CDH13: variants seen among roughly 807,000 people sequenced by gnomAD.
CDH13 encodes the protein cadherin 13.
In CDH13, 24 loss-of-function variants were observed where a neutral mutation model predicts 63.8. The observed-to-expected ratio is 0.38, with a 90% CI of 0.27 to 0.53. CDH13 has a LOEUF of 0.53. CDH13 is among the 20% of genes least tolerant of loss of function. The probability of loss-of-function intolerance (pLI) is 0.85; values close to 1 mark genes in which losing one functional copy is unlikely to be tolerated. For missense variants in CDH13, 1,049 were observed against 903.1 expected, an observed-to-expected ratio of 1.16 and a Z score of -2.07; for synonymous variants, 503 against 355.3, an observed-to-expected ratio of 1.42 and a Z score of -4.67.
intron 1 of CDH13, among the ~76,000 whole-genome samples, chr16:82,809,836 G>A (rs969758154): frequency 1.3e-5 from 2 of 151,970 alleles, no homozygotes; most frequent in African/African-American, 4.8e-5. Flanking sequence ...ATTCTTTCTG[G>A]ACAGCAGTAA....
chr16:83,779,653 T>A (rs973464390), intron 11 of CDH13, among the ~76,000 whole-genome samples: 9 of 151,926 alleles, frequency 5.9e-5, no homozygotes, highest in African/African-American at 2.2e-4. Context: ...TGAGACACCG[T>A]CTCTACAAAA....
At position 82,945,595 on chromosome 16, in the gene CDH13, G is replaced by C. The variant is rs113877245; in HGVS notation, c.158-86415G>C. Among the ~76,000 whole-genome samples the C allele has an allele frequency of 7.5e-3, 1,142 of 152,040 alleles. 14 individuals carry two copies. Among genetic ancestry groups the C allele is most frequent in the Non-Finnish European group, 0.012 (782 of 67,976 alleles). ...AGGATTTTGTGTTTTTTTTCTTCGCGGTTGTTTAGTTTTGCTTTGGGTGAC... is the reference window on the plus strand; with the variant it reads ...AGGATTTTGTGTTTTTTTTCTTCGCCGTTGTTTAGTTTTGCTTTGGGTGAC... On this transcript the variant is annotated intron_variant, in intron 2 of 13. Coordinates refer to ENST00000567109, the MANE Select transcript of CDH13 (RefSeq NM_001257.5).
At chr16:82,948,352 G>C (rs1451568378) in intron 2 of CDH13, among the ~76,000 whole-genome samples, 1 of 152,048 alleles carries the variant, frequency 6.6e-6, no homozygotes, top group East Asian at 1.9e-4. Flanking sequence ...AAAATATTAG[G>C]GGAAGATTTT....
intron 5 of CDH13, among the ~76,000 whole-genome samples, chr16:83,261,705 C>CT (rs34277110): frequency 0.16 from 23,240 of 144,528 alleles, 1,939 homozygotes; most frequent in African/African-American, 0.19. Flanking sequence ...TTATTTTCCT[C>CT]TTTTTTTTTT....
At chr16:83,127,066 A>G (rs1890632857) in intron 4 of CDH13, among the ~76,000 whole-genome samples, 1 of 152,226 alleles carries the variant, frequency 6.6e-6, no homozygotes, top group African/African-American at 2.4e-5. Context: ...GAACAGTTAC[A>G]GGTATATCTG....
At chr16:83,017,948 G>A (rs1441313780) in intron 2 of CDH13, among the ~76,000 whole-genome samples, 1 of 152,192 alleles carries the variant, frequency 6.6e-6, no homozygotes, top group Non-Finnish European at 1.5e-5. Context: ...TGTGAATCAA[G>A]TAGGTTGGGA....
intron 7 of CDH13, among the ~76,000 whole-genome samples, chr16:83,520,877 C>A (rs1370620104): frequency 6.6e-6 from 1 of 152,146 alleles, no homozygotes; most frequent in African/African-American, 2.4e-5. Flanking sequence ...AAATCTTCAT[C>A]CAAGTTTTAT....
intron 3 of CDH13, among the ~76,000 whole-genome samples, chr16:83,092,182 C>A (rs371384905): frequency 6.6e-6 from 1 of 152,116 alleles, no homozygotes; most frequent in African/African-American, 2.4e-5. Context: ...ATCTTAGACT[C>A]AGAAAATTTC....
intron 8 of CDH13, among the ~76,000 whole-genome samples, chr16:83,620,435 C>G (rs1909708907): frequency 6.8e-6 from 1 of 146,458 alleles, no homozygotes; most frequent in South Asian, 2.3e-4. Context: ...CATTCCAAGA[C>G]TCAGAGCCCC....
intron 1 of CDH13, among the ~76,000 whole-genome samples, chr16:82,816,003 C>G (rs560040604): frequency 1.3e-5 from 2 of 152,270 alleles, no homozygotes; most frequent in South Asian, 4.2e-4. Flanking sequence ...AAGTATGTGA[C>G]AGTAGGTAGA....
intron 3 of CDH13, among the ~76,000 whole-genome samples, chr16:83,091,445 C>G (rs2033905520): frequency 6.6e-6 from 1 of 152,314 alleles, no homozygotes; most frequent in East Asian, 1.9e-4. Context: ...CAAAGGATGA[C>G]TCCCTAAATA....
In CDH13 at chr16:82,940,902, A is replaced by G. The variant is rs142907036; in HGVS notation, c.157+82429A>G. Among the ~76,000 whole-genome samples the G allele has an allele frequency of 6.1e-4, 93 of 152,320 alleles. 2 individuals carry two copies. In the East Asian group the frequency reaches 0.017, roughly 27 times the overall value. Reference sequence around the variant, plus strand: ...ATTTATTCAGATAAAAGCCTCAGTTATGAAAGAGGGGTAATTATTTTGCAA... The same window carrying G: ...ATTTATTCAGATAAAAGCCTCAGTTGTGAAAGAGGGGTAATTATTTTGCAA... On this transcript the variant is annotated intron_variant, in intron 2 of 13. Transcript: ENST00000567109.
intron 7 of CDH13, among the ~76,000 whole-genome samples, chr16:83,585,718 A>G (rs1906090231): frequency 6.6e-6 from 1 of 152,080 alleles, no homozygotes. Flanking sequence ...AAGAGCTGCC[A>G]GGAGTGGCAA....
rs547790841 is a variant in CDH13 at position 83,770,160 on chromosome 16, C to T, written c.1682-9808C>T. ...CGTGGCTCATGTTTCTTGGAGGAGT[C>T]CTGGTTCAGTTCTACAGGCTTCCCA... On this transcript the variant is annotated intron_variant, in intron 11 of 13. Transcript: ENST00000567109. 2.0e-4 allele frequency among the ~76,000 whole-genome samples: 30 copies of T among 152,202 alleles called. No individual in the cohort carries two copies. The South Asian group carries it at 2.3e-3, about 12-fold the overall frequency.
chr16:83,130,305 C>A (rs189418365), intron 4 of CDH13, among the ~76,000 whole-genome samples: 1 of 152,096 alleles, frequency 6.6e-6, no homozygotes, highest in East Asian at 1.9e-4. Flanking sequence ...TCCAAAGCCA[C>A]ACAGCTAGTT....
intron 1 of CDH13, among the ~76,000 whole-genome samples, chr16:82,648,175 T>C (rs1300979254): frequency 1.3e-5 from 2 of 152,174 alleles, no homozygotes; most frequent in Non-Finnish European, 2.9e-5. Flanking sequence ...TCATAGCAGT[T>C]TGAAAATGGA....
chr16:83,091,719 T>C (rs1392222839), intron 3 of CDH13, among the ~76,000 whole-genome samples: 1 of 152,230 alleles, frequency 6.6e-6, no homozygotes, highest in Non-Finnish European at 1.5e-5. Flanking sequence ...GGTATTCACT[T>C]CATAAGGGAA....
intron 5 of CDH13, among the ~76,000 whole-genome samples, chr16:83,238,378 C>T (rs1389131236): frequency 6.6e-6 from 1 of 152,190 alleles, no homozygotes; most frequent in Non-Finnish European, 1.5e-5. Flanking sequence ...ATCAGATCTT[C>T]TGAGACTTAT....
chr16:82,666,873 A>C (rs990598790), intron 1 of CDH13, among the ~76,000 whole-genome samples: 12 of 152,172 alleles, frequency 7.9e-5, no homozygotes, highest in Non-Finnish European at 1.3e-4. Flanking sequence ...CATCTTGAAG[A>C]ATCAGAACCA....
Sources: allele counts gnomAD v4.1 joint callset (sites outside exome capture counted in the v4.1 genomes callset), GRCh38; gene constraint gnomAD v4.1.1; transcripts MANE v1.5; gene names NCBI Gene and HGNC (gene_info 2026-07-23, HGNC 2026-07-21).